The following DYRK1A variants were observed in gnomAD, a reference collection of about 807,000 sequenced individuals.
DYRK1A encodes the protein dual specificity tyrosine-phosphorylation-regulated kinase 1A.
In DYRK1A, 9 loss-of-function variants were observed where a neutral mutation model predicts 79.7. The observed-to-expected ratio is 0.11, with a 90% confidence interval of 0.07 to 0.20. The LOEUF (loss-of-function observed/expected upper bound fraction) is 0.20. Among genes scored for constraint, DYRK1A ranks in the 10% least tolerant of loss-of-function variants. The pLI is 1.00. For synonymous variants in DYRK1A, 349 were observed against 329.7 expected (o/e 1.06, Z -0.63); for missense variants, 622 against 956.0 (o/e 0.65, Z 4.61).
At chr21:37,449,054 T>C (rs1386777131) in intron 2 of DYRK1A, among the ~76,000 whole-genome samples, 2 of 152,182 alleles carry the variant, frequency 1.3e-5, no homozygotes, top group Non-Finnish European at 2.9e-5. Context: ...TGCTTTACTT[T>C]TGTACCTCTT....
At chr21:37,431,855 A>G (rs1279763310) in intron 2 of DYRK1A, among the ~76,000 whole-genome samples, 1 of 152,178 alleles carries the variant, frequency 6.6e-6, no homozygotes, top group Non-Finnish European at 1.5e-5. Context: ...TACAGTACAA[A>G]AACCAGTTTT....
chr21:37,498,665 A>G (rs1480410710), intron 9 of DYRK1A, among the ~76,000 whole-genome samples: 5 of 152,296 alleles, frequency 3.3e-5, no homozygotes, highest in South Asian at 2.1e-4. Flanking sequence ...TCTTTTATAC[A>G]TATGTTTTCA....
At chr21:37,417,778 A>T (rs769236231) in intron 1 of DYRK1A, among the ~76,000 whole-genome samples, 17 of 152,022 alleles carry the variant, frequency 1.1e-4, no homozygotes, top group Non-Finnish European at 1.8e-4. Context: ...TTAACTTCAA[A>T]AAACCATGTA....
rs1185423598 is a variant in DYRK1A, at chr21:37,372,260, A to G, written c.-77+4632A>G. 5.3e-5 allele frequency among the ~76,000 whole-genome samples: 8 copies of G among 149,720 alleles called. No individual in the cohort carries two copies. The East Asian group carries it at 1.6e-3, about 30-fold the overall frequency. Reference sequence around the variant, plus strand: ...GGAGTTCGAAACCAGCCTGGGCAACATGGTGAAACCCTGTCTCAAAAAACA... The same window carrying G: ...GGAGTTCGAAACCAGCCTGGGCAACGTGGTGAAACCCTGTCTCAAAAAACA... On this transcript the variant is annotated intron_variant, in intron 1 of 11. Coordinates refer to ENST00000647188, the MANE Select transcript of DYRK1A (RefSeq NM_001347721.2).
Position 37,394,260 on chromosome 21 carries a change from A to G in DYRK1A, c.-76-26039A>G, listed in dbSNP as rs554543972. ...TTTTCTAATTTTTTTAAATTTTATT[A>G]TTATTATGCTTTAAGTTTTAGGGTA... On this transcript the variant is annotated intron_variant, in intron 1 of 11. Coordinates refer to ENST00000647188, the MANE Select transcript of DYRK1A (RefSeq NM_001347721.2). 2.9e-5 allele frequency among the ~76,000 whole-genome samples: 3 copies of G among 104,634 alleles called. No homozygotes were observed. The East Asian group carries it at 8.2e-4, about 29-fold the overall frequency. 68.6% of individuals were successfully genotyped at this position (104,634 alleles called of 152,430 possible).
chr21:37,471,821 C>T (rs2052234500), intron 2 of DYRK1A, among the ~76,000 whole-genome samples: 1 of 152,168 alleles, frequency 6.6e-6, no homozygotes, highest in Admixed American at 6.5e-5. Flanking sequence ...TTCAGGAGGA[C>T]AGGCACAAGT....
chr21:37,517,788 A>T lies in DYRK1A; in HGVS notation c.*5257A>T, dbSNP rs1312194485. 1 of 152,242 alleles carries T rather than the reference A, an allele frequency of 6.6e-6. No homozygotes were observed. Among genetic ancestry groups the T allele is most frequent in the African/African-American group, 2.4e-5 (1 of 41,438 alleles). 9.4% of individuals were successfully genotyped at this position (152,242 alleles called of 1,614,324 possible). On this transcript the variant is annotated 3_prime_UTR_variant, in exon 12 of 12. Transcript: ENST00000647188. ...GGAATCATCATCCACTCACTGTTGG[A>T]CAGAAAGACTGCAGAGAAGGGCACT... is the stretch of plus-strand genomic sequence containing the variant.
At chr21:37,434,408 T>A (rs1404944209) in intron 2 of DYRK1A, among the ~76,000 whole-genome samples, 1 of 152,152 alleles carries the variant, frequency 6.6e-6, no homozygotes, top group African/African-American at 2.4e-5. Context: ...TGTGTCTCCT[T>A]GACATGTTTC....
intron 9 of DYRK1A, among the ~76,000 whole-genome samples, chr21:37,501,105 C>T (rs894954162): frequency 6.0e-5 from 9 of 150,830 alleles, no homozygotes; most frequent in Non-Finnish European, 1.3e-4. Flanking sequence ...TATAAATTTC[C>T]CTCCAAGCAC....
intron 2 of DYRK1A, among the ~76,000 whole-genome samples, chr21:37,472,169 T>G (rs959858859): frequency 2.0e-5 from 3 of 152,146 alleles, no homozygotes; most frequent in Non-Finnish European, 4.4e-5. Context: ...TGTTTTCCTG[T>G]TTTTATATCC....
chr21:37,515,654 A>G lies in DYRK1A; in HGVS notation c.*3123A>G, dbSNP rs1398386960. On this transcript the variant is annotated 3_prime_UTR_variant, in exon 12 of 12. Coordinates refer to ENST00000647188, the MANE Select transcript of DYRK1A (RefSeq NM_001347721.2). ...CTCTTTTTACAAATTCACCTGCTTCAGTATATATTAAGGTGGCTTTCGAGA... is the reference window on the plus strand; with the variant it reads ...CTCTTTTTACAAATTCACCTGCTTCGGTATATATTAAGGTGGCTTTCGAGA... 1 of 152,194 alleles carries G rather than the reference A, an allele frequency of 6.6e-6. No homozygotes were observed. Among genetic ancestry groups the G allele is most frequent in the African/African-American group, 2.4e-5 (1 of 41,440 alleles). The allele number at this position is 152,194 out of a possible 1,614,324, so 9.4% of individuals were successfully genotyped here.
chr21:37,375,352 C>A (rs1412409822), intron 1 of DYRK1A, among the ~76,000 whole-genome samples: 1 of 152,086 alleles, frequency 6.6e-6, no homozygotes, highest in African/African-American at 2.4e-5. Context: ...CAGCTACTTA[C>A]TTGACATGAT....
At chr21:37,456,480 CA>C (rs1357394302) in intron 2 of DYRK1A, among the ~76,000 whole-genome samples, 2 of 152,180 alleles carry the variant, frequency 1.3e-5, no homozygotes, top group Non-Finnish European at 2.9e-5. Flanking sequence ...TGCCAGTTTA[CA>C]CGGGTGATGA....
intron 9 of DYRK1A, among the ~76,000 whole-genome samples, chr21:37,500,616 G>C (rs1253966599): frequency 6.6e-6 from 1 of 152,116 alleles, no homozygotes; most frequent in Admixed American, 6.5e-5. Context: ...TTGTTAGAAG[G>C]TTATTTAATT....
At chr21:37,510,909 C>T (rs898006501) in intron 11 of DYRK1A, among the ~76,000 whole-genome samples, 3 of 151,986 alleles carry the variant, frequency 2.0e-5, no homozygotes, top group Admixed American at 1.3e-4. Flanking sequence ...TGCTCAGGAA[C>T]GAGAAGAATA....
chr21:37,469,505 C>G (rs1405287277), intron 2 of DYRK1A, among the ~76,000 whole-genome samples: 1 of 152,086 alleles, frequency 6.6e-6, no homozygotes, highest in Non-Finnish European at 1.5e-5. Flanking sequence ...TGAGACTGGG[C>G]AATTTATAAA....
At chr21:37,386,189 T>C (rs754328261) in intron 1 of DYRK1A, among the ~76,000 whole-genome samples, 1 of 152,210 alleles carries the variant, frequency 6.6e-6, no homozygotes, top group Non-Finnish European at 1.5e-5. Context: ...TTCTATATTA[T>C]GGTGAGTTGT....
intron 9 of DYRK1A, 78 bp from the exon 10 acceptor site, chr21:37,505,205 C>A: frequency 8.4e-7 from 1 of 1,184,596 alleles, no homozygotes; most frequent in Non-Finnish European, 1.2e-6. Flanking sequence ...TATATTTAAA[C>A]ATATTTGAAA....
intron 1 of DYRK1A, among the ~76,000 whole-genome samples, chr21:37,406,789 A>G (rs997190172): frequency 6.8e-6 from 1 of 147,892 alleles, no homozygotes; most frequent in African/African-American, 2.5e-5. Context: ...ATACATCTCT[A>G]TATATGTATA....
Sources: allele counts gnomAD v4.1 joint callset (sites outside exome capture counted in the v4.1 genomes callset), GRCh38; gene constraint gnomAD v4.1.1; transcripts MANE v1.5; gene names NCBI Gene and HGNC (gene_info 2026-07-23, HGNC 2026-07-21).